The following LARP4 variants were observed in gnomAD, a reference collection of about 807,000 sequenced individuals.
LARP4 encodes the protein La ribonucleoprotein 4, also known as la-related protein 4.
LARP4 carries 29 observed loss-of-function variants against 92.9 expected under a neutral mutation model. That is an observed-to-expected ratio of 0.31 (90% CI 0.23 to 0.43). The LOEUF is 0.43. LARP4 is among the 20% of genes least tolerant of loss of function. The probability of loss-of-function intolerance (pLI) is 1.00; values close to 1 mark genes in which losing one functional copy is unlikely to be tolerated. For missense variants in LARP4, 732 were observed against 860.0 expected (o/e 0.85, Z 1.86); for synonymous variants, 279 against 284.1 (o/e 0.98, Z 0.18).
chr12:50,448,024 G>A (rs1159783312), intron 8 of LARP4, among the ~76,000 whole-genome samples: 4 of 151,882 alleles, frequency 2.6e-5, no homozygotes, highest in Non-Finnish European at 5.9e-5. Context: ...CTGCCACCAC[G>A]CCCAGCTAAT....
At chr12:50,462,476 C>CAA (rs5798139) in intron 11 of LARP4, 106 bp from the exon 12 acceptor site, 54,139 of 463,462 alleles carry the variant, frequency 0.12, 2,458 homozygotes, top group African/African-American at 0.32. Context: ...GACTCCATCT[C>CAA]AAAAAAAAAA....
At chr12:50,425,039 C>T (rs185096087) in intron 1 of LARP4, among the ~76,000 whole-genome samples, 77 of 152,098 alleles carry the variant, frequency 5.1e-4, no homozygotes, top group Admixed American at 4.6e-3. Context: ...CCCAGCTATT[C>T]AGGAGGCTGA....
At chr12:50,458,358 T>G (rs1954718997) in intron 10 of LARP4, among the ~76,000 whole-genome samples, 1 of 152,050 alleles carries the variant, frequency 6.6e-6, no homozygotes, top group Non-Finnish European at 1.5e-5. Context: ...TCTTGATCTC[T>G]TGACCTCGTG....
chr12:50,456,880 A>G (rs1463003845), intron 10 of LARP4, among the ~76,000 whole-genome samples: 1 of 151,878 alleles, frequency 6.6e-6, no homozygotes, highest in Admixed American at 6.6e-5. Flanking sequence ...TACCATATCT[A>G]TCATATCAGT....
chr12:50,413,237 A>G (rs1946222621), intron 1 of LARP4, among the ~76,000 whole-genome samples: 1 of 142,958 alleles, frequency 7.0e-6, no homozygotes. Context: ...AAAAAAAAAA[A>G]TTGGCTGTCT....
At chr12:50,472,376 G>A (rs1224056618) in intron 13 of LARP4, among the ~76,000 whole-genome samples, 3 of 152,046 alleles carry the variant, frequency 2.0e-5, no homozygotes, top group African/African-American at 4.8e-5. Flanking sequence ...TTCTGTCTCT[G>A]AATTGACTAC....
chr12:50,439,516 C>T (rs1593113443), intron 6 of LARP4, among the ~76,000 whole-genome samples: 1 of 152,212 alleles, frequency 6.6e-6, no homozygotes, highest in East Asian at 1.9e-4. Context: ...AGTCCTCCTA[C>T]CTCAGCCACC....
chr12:50,433,640 CTT>C (rs111833032), intron 4 of LARP4, among the ~76,000 whole-genome samples: 69 of 137,876 alleles, frequency 5.0e-4, no homozygotes, highest in South Asian at 1.6e-3. Flanking sequence ...TAAGGAATAT[CTT>C]TTTTTTTTTT....
intron 1 of LARP4, among the ~76,000 whole-genome samples, chr12:50,422,953 G>A (rs978973500): frequency 1.3e-4 from 20 of 151,812 alleles, no homozygotes; most frequent in African/African-American, 3.4e-4. Flanking sequence ...AAGGAGCTGG[G>A]ATTACAGATG....
intron 4 of LARP4, among the ~76,000 whole-genome samples, chr12:50,432,687 C>G (rs1949832493): frequency 6.6e-6 from 1 of 151,908 alleles, no homozygotes. Flanking sequence ...TGGTGAAACC[C>G]CATCTCTACT....
intron 1 of LARP4, among the ~76,000 whole-genome samples, chr12:50,404,681 G>GTTTTT (rs1162590362): frequency 4.5e-5 from 3 of 67,356 alleles, no homozygotes; most frequent in Non-Finnish European, 6.3e-5. Context: ...GGTTCAAGCA[G>GTTTTT]TTTTTTTTTT....
intron 2 of LARP4, among the ~76,000 whole-genome samples, chr12:50,428,587 T>A (rs1194495461): frequency 6.6e-6 from 1 of 152,196 alleles, no homozygotes; most frequent in Non-Finnish European, 1.5e-5. Context: ...TGTTCGACCT[T>A]GGGCAAATAA....
At chr12:50,410,841 C>G (rs1246226739) in intron 1 of LARP4, among the ~76,000 whole-genome samples, 1 of 152,110 alleles carries the variant, frequency 6.6e-6, no homozygotes, top group Non-Finnish European at 1.5e-5. Flanking sequence ...ATGGTGGCGT[C>G]AGGTTCTTTT....
intron 1 of LARP4, among the ~76,000 whole-genome samples, chr12:50,417,457 G>C (rs1233163685): frequency 1.3e-5 from 2 of 151,976 alleles, no homozygotes; most frequent in African/African-American, 4.8e-5. Context: ...GGGGCTGTTT[G>C]AAAACTAGTT....
At chr12:50,416,635 G>T (rs1311623121) in intron 1 of LARP4, among the ~76,000 whole-genome samples, 3 of 152,056 alleles carry the variant, frequency 2.0e-5, no homozygotes, top group Admixed American at 6.6e-5. Flanking sequence ...AGTGGGCCAA[G>T]ATCACACCAC....
intron 8 of LARP4, among the ~76,000 whole-genome samples, chr12:50,447,074 C>G (rs1202651962): frequency 2.0e-5 from 3 of 152,140 alleles, no homozygotes; most frequent in Non-Finnish European, 4.4e-5. Context: ...TCTAATCTAA[C>G]CTTCTTATAT....
intron 8 of LARP4, among the ~76,000 whole-genome samples, chr12:50,442,955 A>G (rs1593150251): frequency 1.3e-5 from 2 of 152,230 alleles, no homozygotes; most frequent in African/African-American, 2.4e-5. Flanking sequence ...TCCTCTGTCT[A>G]TGATGTTCTT....
Position 50,475,981 on chromosome 12 carries a change from C to T in LARP4, c.*117C>T, listed in dbSNP as rs756902135. 2 of 820,358 alleles carry T rather than the reference C, an allele frequency of 2.4e-6. No homozygotes were observed. The highest frequency in any genetic ancestry group is 3.8e-6 in the Non-Finnish European group (2 of 531,892). The allele number at this position is 820,358 out of a possible 1,614,324, so 50.8% of individuals were successfully genotyped here. A position where few individuals can be genotyped will look rare whatever the true frequency, so the allele number is the denominator to read the frequency against. On this transcript the variant is annotated 3_prime_UTR_variant, in exon 16 of 16. Transcript: ENST00000398473. Reference sequence around the variant, plus strand: ...AGGAAGGAAACAAGAGAAAGTACGTCCATTTCATTATGGATTTTGGAGTTG... The same window carrying T: ...AGGAAGGAAACAAGAGAAAGTACGTTCATTTCATTATGGATTTTGGAGTTG...
At chr12:50,455,132 G>T (rs1953976095) in intron 10 of LARP4, among the ~76,000 whole-genome samples, 1 of 152,146 alleles carries the variant, frequency 6.6e-6, no homozygotes, top group African/African-American at 2.4e-5. Flanking sequence ...GAAACTATAT[G>T]CTATCATAAA....
Sources: allele counts gnomAD v4.1 joint callset (sites outside exome capture counted in the v4.1 genomes callset), GRCh38; gene constraint gnomAD v4.1.1; transcripts MANE v1.5; gene names NCBI Gene and HGNC (gene_info 2026-07-23, HGNC 2026-07-21).